Variants in STRIP2 observed in about 807,000 individuals in gnomAD.
STRIP2 encodes striatin-interacting protein 2.
A neutral mutation model predicts 107.1 loss-of-function variants in STRIP2; 84 were observed. That is an observed-to-expected ratio of 0.78 (90% CI 0.66 to 0.94). The LOEUF is 0.94. Ranked by LOEUF, STRIP2 falls within the 40% of genes least tolerant of loss-of-function variation. The probability of loss-of-function intolerance (pLI) is 0.00; values close to 1 mark genes in which losing one functional copy is unlikely to be tolerated. For synonymous variants in STRIP2, 394 were observed against 400.4 expected (o/e 0.98, Z 0.19); for missense variants, 888 against 1,034.2 (o/e 0.86, Z 1.94).
chr7:129,467,759 C>T (rs556494102), intron 17 of STRIP2, among the ~76,000 whole-genome samples: 4 of 152,158 alleles, frequency 2.6e-5, no homozygotes, highest in Non-Finnish European at 2.9e-5. Context: ...AAACAACCTG[C>T]TTGTCTGGCC....
intron 4 of STRIP2, 94 bp from the exon 5 acceptor site, chr7:129,453,133 G>C (rs144774167): frequency 6.5e-7 from 1 of 1,548,764 alleles, no homozygotes; most frequent in African/African-American, 1.4e-5. Flanking sequence ...ATTAGGCAGA[G>C]TATTATAGGA....
At chr7:129,441,999 G>A (rs1797911668) in intron 2 of STRIP2, among the ~76,000 whole-genome samples, 1 of 152,204 alleles carries the variant, frequency 6.6e-6, no homozygotes, top group Non-Finnish European at 1.5e-5. Flanking sequence ...AGGCCGAAGT[G>A]GGTAGATCAC....
rs1584978593 is a variant in STRIP2, at chr7:129,485,972, C to A, written c.*143C>A. On this transcript the variant is annotated 3_prime_UTR_variant, in exon 21 of 21. Coordinates refer to ENST00000249344, the MANE Select transcript of STRIP2 (RefSeq NM_020704.3). ...CCTAAAGATGGTGCAAGGGTGGGAT[C>A]CTGAATCACAATAAAATGATCAACT... is the stretch of plus-strand genomic sequence containing the variant. The A allele has an allele frequency of 2.1e-6, 2 of 931,886 alleles. No homozygotes were observed. The highest frequency in any genetic ancestry group is 2.6e-5 in the Admixed American group (1 of 38,508). 57.7% of individuals were successfully genotyped at this position (931,886 alleles called of 1,614,324 possible). A position where few individuals can be genotyped will look rare whatever the true frequency, so the allele number is the denominator to read the frequency against.
chr7:129,479,615 A>G lies in STRIP2; in HGVS notation c.1945-1170A>G, dbSNP rs9769756. 8.0e-5 allele frequency among the ~76,000 whole-genome samples: 12 copies of G among 150,678 alleles called. 1 individual carries two copies. Among genetic ancestry groups the G allele is most frequent in the Admixed American group, 6.0e-4 (9 of 15,092 alleles). Reference sequence around the variant, plus strand: ...AGTGATTCTCCTGCCTCAGCCTCCCAAGTAGCTGGGATTACAGGCTCCTGC... The same window carrying G: ...AGTGATTCTCCTGCCTCAGCCTCCCGAGTAGCTGGGATTACAGGCTCCTGC... On this transcript the variant is annotated intron_variant, in intron 18 of 20. Coordinates refer to ENST00000249344, the MANE Select transcript of STRIP2 (RefSeq NM_020704.3).
Position 129,485,593 on chromosome 7 carries a change from C to A in STRIP2, c.2269C>A (p.Pro757Thr). 2 of 1,613,844 alleles carry A rather than the reference C, an allele frequency of 1.2e-6. No homozygotes were observed. Among genetic ancestry groups the A allele is most frequent in the Middle Eastern group, 3.3e-4 (2 of 6,062 alleles). ...TTCCAACACAGACATCGATGCCAGA[C>A]CATGGGACTTCCAAGCAGAAGAATG... is the stretch of plus-strand genomic sequence containing the variant. ...WAYGNDIDAR[P>T]WDFQAEECTL... The change falls in exon 21 of 21, where the codon CCA (proline) becomes ACA (threonine). Residue 757 changes from proline (P) to threonine (T), a missense_variant. Pro to Thr is a conservative substitution (Grantham distance 38, BLOSUM62 -1). Coordinates refer to ENST00000249344, the MANE Select transcript of STRIP2 (RefSeq NM_020704.3).
At position 129,450,918 on chromosome 7, in the gene STRIP2, C is replaced by CTTTT. The variant is rs758536953; in HGVS notation, c.275-662_275-659dup. ...GGCCACAGCATTAGTGAGAAAGGTC[C>CTTTT]TTTTTTTTTTTTTTTTTTTTTTTTT... On this transcript the variant is annotated intron_variant, in intron 3 of 20. Transcript: ENST00000249344. Among the ~76,000 whole-genome samples, 4 of 54,470 alleles carry CTTTT rather than the reference C, an allele frequency of 7.3e-5. 1 individual carries two copies. Among genetic ancestry groups the CTTTT allele is most frequent in the Non-Finnish European group, 9.5e-5 (3 of 31,550 alleles). 35.7% of individuals were successfully genotyped at this position (54,470 alleles called of 152,430 possible).
rs186539971 is a variant in STRIP2, at chr7:129,476,000, C to T, written c.1945-4785C>T. 6.6e-3 allele frequency among the ~76,000 whole-genome samples: 999 copies of T among 152,276 alleles called. 6 individuals are homozygous for T. The highest frequency in any genetic ancestry group is 9.7e-3 in the Non-Finnish European group (659 of 68,004). ...CACAGCAACAATCTGATTTCCCCAT[C>T]TTTTCCCCACATTTCCCCCCTCTCT... On this transcript the variant is annotated intron_variant, in intron 18 of 20. Transcript: ENST00000249344.
chr7:129,470,421 C>G (rs1798762916), intron 17 of STRIP2, among the ~76,000 whole-genome samples: 4 of 152,178 alleles, frequency 2.6e-5, no homozygotes, highest in Admixed American at 2.6e-4. Context: ...TTTGCATCTA[C>G]CAGATGGGTG....
intron 19 of STRIP2, among the ~76,000 whole-genome samples, chr7:129,481,634 G>A (rs1032907224): frequency 9.2e-5 from 14 of 152,054 alleles, no homozygotes; most frequent in Non-Finnish European, 1.9e-4. Context: ...ATGAGCAGCC[G>A]GGCTCAGTGG....
rs1399446107 is a variant in STRIP2 at position 129,487,386 on chromosome 7, C to T, written c.*1557C>T. ...GGCACTACTGAATTTTTTATGATGG[C>T]ACCAGGTCACTTTATGCTGGGTGAT... On this transcript the variant is annotated 3_prime_UTR_variant, in exon 21 of 21. Coordinates refer to ENST00000249344, the MANE Select transcript of STRIP2 (RefSeq NM_020704.3). 1.3e-5 allele frequency: 2 copies of T among 152,102 alleles called. No individual in the cohort carries two copies. The highest frequency in any genetic ancestry group is 1.5e-5 in the Non-Finnish European group (1 of 68,038). The allele number at this position is 152,102 out of a possible 1,614,324, so 9.4% of individuals were successfully genotyped here. A position where few individuals can be genotyped will look rare whatever the true frequency, so the allele number is the denominator to read the frequency against.
In STRIP2 at chr7:129,461,129, A is replaced by G. The variant is rs781725295; in HGVS notation, c.1476+757A>G. ...TGGATTTGGAGATGTAGCTGACAAGACTTGCAGTGCATTTGGATGTGGATA... is the reference window on the plus strand; with the variant it reads ...TGGATTTGGAGATGTAGCTGACAAGGCTTGCAGTGCATTTGGATGTGGATA... On this transcript the variant is annotated intron_variant, in intron 13 of 20. Coordinates refer to ENST00000249344, the MANE Select transcript of STRIP2 (RefSeq NM_020704.3). This position sits in a 1 kb window ranked among gnomAD's most constrained non-coding sequence, Gnocchi z 4.0. 2.6e-5 allele frequency among the ~76,000 whole-genome samples: 4 copies of G among 152,244 alleles called. No individual in the cohort carries two copies. The highest frequency in any genetic ancestry group is 5.9e-5 in the Non-Finnish European group (4 of 68,044).
At position 129,463,037 on chromosome 7, in the gene STRIP2, T is replaced by C. The variant is rs1192852772; in HGVS notation, c.1548T>C (p.Tyr516=). ...GAATGCTGTACAGCCTTCCGCAGTATATGGTAAGGAGATGGCTAGGCCAGA... is the reference window on the plus strand; with the variant it reads ...GAATGCTGTACAGCCTTCCGCAGTACATGGTAAGGAGATGGCTAGGCCAGA... ...YQGMLYSLPQ[Y]MIALLKILLA... The change falls in exon 14 of 21, where the codon TAT becomes TAC. Residue 516 remains tyrosine, a synonymous_variant. Coordinates refer to ENST00000249344, the MANE Select transcript of STRIP2 (RefSeq NM_020704.3). 6.2e-7 allele frequency: 1 copy of C among 1,612,346 alleles called. No individual in the cohort carries two copies. The highest frequency in any genetic ancestry group is 8.5e-7 in the Non-Finnish European group (1 of 1,178,918).
intron 2 of STRIP2, among the ~76,000 whole-genome samples, chr7:129,441,212 T>A (rs1797889703): frequency 6.6e-6 from 1 of 152,062 alleles, no homozygotes; most frequent in African/African-American, 2.4e-5. Context: ...GTGCAAAACT[T>A]AAAAGCCTGG....
At chr7:129,482,677 C>A (rs1165940902) in intron 19 of STRIP2, among the ~76,000 whole-genome samples, 165 bp from the exon 20 acceptor site, 2 of 151,974 alleles carry the variant, frequency 1.3e-5, no homozygotes, top group African/African-American at 2.4e-5. Flanking sequence ...CTTGCCCAGC[C>A]CCCCTCTATA....
intron 19 of STRIP2, among the ~76,000 whole-genome samples, chr7:129,482,307 T>C (rs1799137180): frequency 6.6e-6 from 1 of 150,384 alleles, no homozygotes; most frequent in Non-Finnish European, 1.5e-5. Flanking sequence ...TTGAAAACTT[T>C]GAACAATAAA....
At chr7:129,475,529 G>T in intron 18 of STRIP2, among the ~76,000 whole-genome samples, 1 of 135,300 alleles carries the variant, frequency 7.4e-6, no homozygotes, top group Non-Finnish European at 1.6e-5. Flanking sequence ...TGAGATTAGG[G>T]AGTGGTGATG....
intron 20 of STRIP2, chr7:129,484,357 A>C (rs1449027945): frequency 2.0e-5 from 3 of 152,170 alleles, no homozygotes; most frequent in African/African-American, 7.2e-5. Context: ...GGAAAAATTT[A>C]TTTTGGAGAG....
At position 129,483,885 on chromosome 7, in the gene STRIP2, C is replaced by T. The variant is rs1382014732; in HGVS notation, c.2254+839C>T. 1.3e-5 allele frequency among the ~76,000 whole-genome samples: 2 copies of T among 152,100 alleles called. No individual in the cohort carries two copies. The highest frequency in any genetic ancestry group is 2.9e-5 in the Non-Finnish European group (2 of 68,016). ...TGCCAAGTAGCTGGGACTACAGATG[C>T]ATACCACCACTACACCCGGCTAATT... On this transcript the variant is annotated intron_variant, in intron 20 of 20. Transcript: ENST00000249344. The surrounding 1 kb of genome is among the most constrained non-coding windows in gnomAD (Gnocchi z 5.1).
In STRIP2 at chr7:129,440,109, C is replaced by A; in HGVS notation, c.199+18C>A. On this transcript the variant is annotated intron_variant, in intron 2 of 20. Transcript: ENST00000249344. The stretch of plus-strand genomic sequence containing the variant: ...GTTGTCAGGTATGAGGTAGATGGGT[C>A]AGTAGCTAGTGGAAGAATGGCCAGG... 6.2e-7 allele frequency: 1 copy of A among 1,609,946 alleles called. No individual in the cohort carries two copies. Among genetic ancestry groups the A allele is most frequent in the South Asian group, 1.1e-5 (1 of 90,968 alleles).
Sources: gnomAD v4.1 joint callset for allele counts (sites outside exome capture counted in the v4.1 genomes callset) on GRCh38, gnomAD v4.1.1 for gene constraint, Gnocchi (gnomAD v3.1) non-coding constraint, MANE v1.5 for transcripts, NCBI Gene and HGNC (gene_info 2026-07-23, HGNC 2026-07-21) for gene names.